The following DAAM1 variants were observed in gnomAD, a reference collection of about 807,000 sequenced individuals.
DAAM1 encodes the protein dishevelled associated activator of morphogenesis 1.
A neutral mutation model predicts 130.0 loss-of-function variants in DAAM1; 52 were observed. The ratio of observed to expected loss-of-function variants is 0.40; its 90% CI spans 0.32 to 0.50. DAAM1 has a LOEUF of 0.50. Among genes scored for constraint, DAAM1 ranks in the 20% least tolerant of loss-of-function variants. The pLI is 0.61. For missense variants in DAAM1, 1,134 were observed against 1,303.8 expected (o/e 0.87, Z 2.01); for synonymous variants, 452 against 444.5 (o/e 1.02, Z -0.21).
chr14:59,332,501 G>C (rs1247231011), intron 15 of DAAM1, among the ~76,000 whole-genome samples: 1 of 152,210 alleles, frequency 6.6e-6, no homozygotes, highest in Non-Finnish European at 1.5e-5. Context: ...TAGGACCAGA[G>C]ACGCTACTGA....
In DAAM1 at chr14:59,229,408, C is replaced by T. The variant is rs112387848; in HGVS notation, c.-37-34033C>T. Among the ~76,000 whole-genome samples, 35 of 152,260 alleles carry T rather than the reference C, an allele frequency of 2.3e-4. 1 individual carries two copies. The highest frequency in any genetic ancestry group is 7.9e-4 in the African/African-American group (33 of 41,550). ...ATTGCATGTCAGGTATTTACTAATT[C>T]GTCTTTATGACATACTGATATGTTT... On this transcript the variant is annotated intron_variant, in intron 1 of 24. Coordinates refer to ENST00000360909, the MANE Select transcript of DAAM1 (RefSeq NM_001270520.2).
At chr14:59,203,158 A>ATTTTT (rs57437992) in intron 1 of DAAM1, among the ~76,000 whole-genome samples, 32 of 108,046 alleles carry the variant, frequency 3.0e-4, no homozygotes, top group Admixed American at 4.4e-4. Context: ...CTTCTGGCTA[A>ATTTTT]TTTTTTTTTT....
At chr14:59,255,879 A>G (rs928334154) in intron 1 of DAAM1, among the ~76,000 whole-genome samples, 1 of 152,202 alleles carries the variant, frequency 6.6e-6, no homozygotes, top group Non-Finnish European at 1.5e-5. Flanking sequence ...AAGAACAATT[A>G]TGGTCCCCAC....
chr14:59,353,014 A>T (rs1268405911), intron 18 of DAAM1, among the ~76,000 whole-genome samples: 3 of 152,026 alleles, frequency 2.0e-5, no homozygotes, highest in African/African-American at 4.8e-5. Context: ...AAGAAAAAAA[A>T]ATATATGGAC....
chr14:59,350,352 C>T (rs1430061859), intron 17 of DAAM1, among the ~76,000 whole-genome samples: 1 of 151,964 alleles, frequency 6.6e-6, no homozygotes, highest in Admixed American at 6.6e-5. Context: ...CAGCCTTTAG[C>T]ACATAAACAC....
intron 3 of DAAM1, among the ~76,000 whole-genome samples, chr14:59,303,135 C>CT (rs879853849): frequency 5.2e-4 from 79 of 152,178 alleles, no homozygotes; most frequent in Non-Finnish European, 8.5e-4. Flanking sequence ...GTGCGAGGCC[C>CT]TTTGAACCCC....
At chr14:59,354,261 C>T (rs923204355) in intron 19 of DAAM1, among the ~76,000 whole-genome samples, 2 of 152,154 alleles carry the variant, frequency 1.3e-5, no homozygotes. Context: ...GGGGTTTCAC[C>T]ACGTTAGCCA....
chr14:59,250,062 A>G (rs1881565843), intron 1 of DAAM1, among the ~76,000 whole-genome samples: 1 of 152,224 alleles, frequency 6.6e-6, no homozygotes, highest in African/African-American at 2.4e-5. Context: ...TTTCTGATCC[A>G]CAATAGAACT....
Position 59,369,117 on chromosome 14 carries a change from GCATTCA to G in DAAM1, c.*263_*268del. 1 of 363,704 alleles carries G rather than the reference GCATTCA, an allele frequency of 2.7e-6. No homozygotes were observed. The highest frequency in any genetic ancestry group is 4.0e-5 in the South Asian group (1 of 24,736). The allele number at this position is 363,704 out of a possible 1,614,324, so 22.5% of individuals were successfully genotyped here. Reference sequence around the variant, plus strand: ...ATGTGCTCCAAAACCTTTCGTGTATGCATTCACATTGAGTGTGGCTCATTTTCTTTC... The same window carrying G: ...ATGTGCTCCAAAACCTTTCGTGTATGCATTGAGTGTGGCTCATTTTCTTTC... On this transcript the variant is annotated 3_prime_UTR_variant, in exon 25 of 25. Coordinates refer to ENST00000360909, the MANE Select transcript of DAAM1 (RefSeq NM_001270520.2).
In DAAM1 at chr14:59,371,065, T is replaced by C. The variant is rs1887148549; in HGVS notation, c.*2206T>C. 1 of 149,774 alleles carries C rather than the reference T, an allele frequency of 6.7e-6. No individual in the cohort carries two copies. The highest frequency in any genetic ancestry group is 2.5e-5 in the African/African-American group (1 of 40,462). The allele number at this position is 149,774 out of a possible 1,614,324, so 9.3% of individuals were successfully genotyped here. A position where few individuals can be genotyped will look rare whatever the true frequency, so the allele number is the denominator to read the frequency against. ...TTGGTTTCTTTCCCTGAAAACTGTG[T>C]GCAGGTAATTCCATGTGCCATTGTT... On this transcript the variant is annotated 3_prime_UTR_variant, in exon 25 of 25. Transcript: ENST00000360909.
chr14:59,211,537 T>C (rs189636128), intron 1 of DAAM1, among the ~76,000 whole-genome samples: 3 of 152,238 alleles, frequency 2.0e-5, no homozygotes, highest in Non-Finnish European at 4.4e-5. Context: ...ACTCATTGTC[T>C]TCCTAGCTTG....
At chr14:59,336,010 A>G (rs544505130) in intron 15 of DAAM1, among the ~76,000 whole-genome samples, 1 of 152,098 alleles carries the variant, frequency 6.6e-6, no homozygotes, top group East Asian at 1.9e-4. Flanking sequence ...AGAGAAATAT[A>G]AATAGTGGTG....
At chr14:59,215,511 G>A (rs573553464) in intron 1 of DAAM1, among the ~76,000 whole-genome samples, 1 of 152,340 alleles carries the variant, frequency 6.6e-6, no homozygotes, top group South Asian at 2.1e-4. Flanking sequence ...GCTTGCCACC[G>A]ACCATGCTTT....
At chr14:59,333,194 A>G (rs1885506912) in intron 15 of DAAM1, among the ~76,000 whole-genome samples, 1 of 152,204 alleles carries the variant, frequency 6.6e-6, no homozygotes, top group African/African-American at 2.4e-5. Flanking sequence ...CTTTTCTGCA[A>G]TGCCTTTTAT....
chr14:59,322,929 T>G lies in DAAM1; in HGVS notation c.478T>G (p.Cys160Gly). 5 of 1,613,926 alleles carry G rather than the reference T, an allele frequency of 3.1e-6. No homozygotes were observed. Among genetic ancestry groups the G allele is most frequent in the Non-Finnish European group, 4.2e-6 (5 of 1,179,832 alleles). ...TRFIDLDGLS[C>G]ILNFLKTMDY... is the part of the protein sequence containing the mutation. ...ATTCATCGACTTGGATGGCCTATCATGTATCCTCAACTTTCTAAAGACCAT... is the reference window on the plus strand; with the variant it reads ...ATTCATCGACTTGGATGGCCTATCAGGTATCCTCAACTTTCTAAAGACCAT... Residue 160 changes from cysteine to glycine, a missense_variant, in exon 6 of 25, where the codon TGT (cysteine) becomes GGT (glycine). Coordinates refer to ENST00000360909, the MANE Select transcript of DAAM1 (RefSeq NM_001270520.2).
chr14:59,252,165 G>A (rs1465629362), intron 1 of DAAM1, among the ~76,000 whole-genome samples: 1 of 152,224 alleles, frequency 6.6e-6, no homozygotes, highest in African/African-American at 2.4e-5. Context: ...TGAGGAAAAA[G>A]TGTGAAAGCC....
At chr14:59,346,583 A>T (rs996390835) in intron 16 of DAAM1, among the ~76,000 whole-genome samples, 21 of 152,240 alleles carry the variant, frequency 1.4e-4, no homozygotes, top group African/African-American at 5.1e-4. Context: ...CCTGGGCAGC[A>T]TAGTGAGACC....
intron 1 of DAAM1, among the ~76,000 whole-genome samples, chr14:59,236,100 T>C (rs12433834): frequency 0.16 from 24,441 of 152,166 alleles, 2,443 homozygotes; most frequent in East Asian, 0.33. Context: ...TTTATTTACT[T>C]ATTTATTCAT....
At chr14:59,295,094 C>T (rs1883904216) in intron 3 of DAAM1, among the ~76,000 whole-genome samples, 1 of 152,146 alleles carries the variant, frequency 6.6e-6, no homozygotes, top group African/African-American at 2.4e-5. Context: ...GGAATATAGA[C>T]ACTGCTAGCT....
Sources: gnomAD v4.1 joint callset for allele counts (sites outside exome capture counted in the v4.1 genomes callset) on GRCh38, gnomAD v4.1.1 for gene constraint, MANE v1.5 for transcripts, NCBI Gene and HGNC (gene_info 2026-07-23, HGNC 2026-07-21) for gene names.